The following SELENOI variants were observed in gnomAD, a reference collection of about 807,000 sequenced individuals.
SELENOI encodes selenoprotein I, also known as ethanolaminephosphotransferase 1.
A neutral mutation model predicts 50.7 loss-of-function variants in SELENOI; 24 were observed. The observed-to-expected ratio is 0.47, with a 90% CI of 0.34 to 0.67. The LOEUF (loss-of-function observed/expected upper bound fraction) is 0.67, where lower values mean the gene tolerates loss of function less well. SELENOI is among the 30% of genes least tolerant of loss of function. The pLI, the probability that SELENOI is intolerant of heterozygous loss-of-function variation, is 0.01. For missense variants in SELENOI, 352 were observed against 461.4 expected (o/e 0.76, Z 2.17); for synonymous variants, 155 against 170.2 (o/e 0.91, Z 0.70).
chr2:26,348,882 T>G (rs1002182462), intron 1 of SELENOI, among the ~76,000 whole-genome samples: 1 of 151,944 alleles, frequency 6.6e-6, no homozygotes, highest in South Asian at 2.1e-4. Context: ...TGTGAAGATA[T>G]CAGGTTTAAC....
At chr2:26,354,776 G>A (rs538339089) in intron 1 of SELENOI, among the ~76,000 whole-genome samples, 6 of 152,248 alleles carry the variant, frequency 3.9e-5, no homozygotes, top group Admixed American at 3.3e-4. Context: ...TCTAATGTAC[G>A]CAGATGGGGA....
intron 1 of SELENOI, among the ~76,000 whole-genome samples, chr2:26,353,490 T>A (rs755231299): frequency 1.3e-5 from 2 of 152,242 alleles, no homozygotes; most frequent in Non-Finnish European, 2.9e-5. Context: ...ATGTTAATTA[T>A]GGCATTGCCT....
At chr2:26,352,586 C>A (rs1245571617) in intron 1 of SELENOI, among the ~76,000 whole-genome samples, 2 of 152,086 alleles carry the variant, frequency 1.3e-5, no homozygotes, top group Non-Finnish European at 2.9e-5. Context: ...GAGTTCGAGA[C>A]CACCCTGGCC....
rs114938070 is a variant in SELENOI at position 26,389,513 on chromosome 2, G to A, written c.*410G>A. The A allele has an allele frequency of 6.1e-3, 958 of 157,666 alleles. 8 individuals carry two copies. Among genetic ancestry groups the A allele is most frequent in the Non-Finnish European group, 1.0e-2 (708 of 70,910 alleles). The allele number at this position is 157,666 out of a possible 1,614,324, so 9.8% of individuals were successfully genotyped here. On this transcript the variant is annotated 3_prime_UTR_variant, in exon 10 of 10. Coordinates refer to ENST00000260585, the MANE Select transcript of SELENOI (RefSeq NM_033505.4). ...TTGGAACTTTGTAATAGCGGGAGTA[G>A]CAGTAGTCCAAACCTAGTATAGGGA...
chr2:26,366,579 G>T (rs955554838), intron 3 of SELENOI, among the ~76,000 whole-genome samples: 3 of 152,110 alleles, frequency 2.0e-5, no homozygotes, highest in Admixed American at 6.6e-5. Context: ...TTACACTGCT[G>T]GTTGATTACA....
intron 6 of SELENOI, among the ~76,000 whole-genome samples, chr2:26,379,125 G>A (rs546609654): frequency 6.6e-6 from 1 of 152,258 alleles, no homozygotes; most frequent in African/African-American, 2.4e-5. Context: ...TTAGCCGGGT[G>A]TGGTGGCGTA....
chr2:26,371,099 C>G (rs1263358108), intron 4 of SELENOI, among the ~76,000 whole-genome samples: 85 of 112,508 alleles, frequency 7.6e-4, no homozygotes, highest in African/African-American at 2.8e-3. Context: ...CTGGCCGGGC[C>G]AGGGGCTGAC....
At chr2:26,371,026 G>C (rs1223848265) in intron 4 of SELENOI, among the ~76,000 whole-genome samples, 1 of 138,868 alleles carries the variant, frequency 7.2e-6, no homozygotes, top group African/African-American at 2.7e-5. Flanking sequence ...CAGGCAGAGG[G>C]GCTCCTCACT....
chr2:26,348,811 G>C (rs1441123156), intron 1 of SELENOI, among the ~76,000 whole-genome samples: 1 of 148,440 alleles, frequency 6.7e-6, no homozygotes, highest in Admixed American at 6.7e-5. Flanking sequence ...TTGGAAGTAT[G>C]GTTAAAAAAA....
At chr2:26,369,273 C>G (rs1219514785) in intron 4 of SELENOI, among the ~76,000 whole-genome samples, 3 of 152,178 alleles carry the variant, frequency 2.0e-5, no homozygotes, top group African/African-American at 7.2e-5. Context: ...ATGTTTATAT[C>G]TAGCCCTGAT....
intron 9 of SELENOI, among the ~76,000 whole-genome samples, chr2:26,388,292 C>A (rs1677891148): frequency 6.6e-6 from 1 of 152,234 alleles, no homozygotes; most frequent in East Asian, 1.9e-4. Context: ...TACATACATA[C>A]CAAACCAAAC....
intron 3 of SELENOI, among the ~76,000 whole-genome samples, chr2:26,366,213 G>A (rs1677284060): frequency 6.6e-6 from 1 of 152,112 alleles, no homozygotes; most frequent in South Asian, 2.1e-4. Flanking sequence ...ATTGAAGTTG[G>A]AAATGCCAAC....
At position 26,390,111 on chromosome 2, in the gene SELENOI, C is replaced by G. The variant is rs749198373; in HGVS notation, c.*1008C>G. On this transcript the variant is annotated 3_prime_UTR_variant, in exon 10 of 10. Transcript: ENST00000260585. ...AAACAGAGAGAAGTTCTCTCTTCTC[C>G]AGCTTGTCCATTTCCCCACTTGAAG... 1 of 147,270 alleles carries G rather than the reference C, an allele frequency of 6.8e-6. No individual in the cohort carries two copies. Among genetic ancestry groups the G allele is most frequent in the Non-Finnish European group, 1.5e-5 (1 of 66,972 alleles). The allele number at this position is 147,270 out of a possible 1,614,324, so 9.1% of individuals were successfully genotyped here.
Position 26,389,181 on chromosome 2 carries a change from G to A in SELENOI, c.*78G>A. The A allele has an allele frequency of 1.8e-6, 2 of 1,095,592 alleles. No individual in the cohort carries two copies. The highest frequency in any genetic ancestry group is 2.7e-6 in the Non-Finnish European group (2 of 738,390). 67.9% of individuals were successfully genotyped at this position (1,095,592 alleles called of 1,614,324 possible). A position where few individuals can be genotyped will look rare whatever the true frequency, so the allele number is the denominator to read the frequency against. On this transcript the variant is annotated 3_prime_UTR_variant, in exon 10 of 10. Transcript: ENST00000260585. ...TCCTCCATCACCATTGAACTAGACTGATCTGCTTGACAGACGTGGGATCTC... is the reference window on the plus strand; with the variant it reads ...TCCTCCATCACCATTGAACTAGACTAATCTGCTTGACAGACGTGGGATCTC...
At chr2:26,350,289 G>A (rs946753014) in intron 1 of SELENOI, among the ~76,000 whole-genome samples, 12 of 152,098 alleles carry the variant, frequency 7.9e-5, no homozygotes, top group Non-Finnish European at 1.8e-4. Flanking sequence ...CATCTTAATG[G>A]TAATACTAAA....
chr2:26,352,999 GTTCAGTTTACCTGCTAGA>G (rs1676992880), intron 1 of SELENOI, among the ~76,000 whole-genome samples: 1 of 152,134 alleles, frequency 6.6e-6, no homozygotes, highest in Non-Finnish European at 1.5e-5. Context: ...GGAATGCTTT[GTTCAGTTTACCTGCTAGA>G]TCCCTGTGAT....
At chr2:26,351,055 G>T (rs13389424) in intron 1 of SELENOI, among the ~76,000 whole-genome samples, 16,648 of 107,412 alleles carry the variant, frequency 0.15, 3,521 homozygotes, top group African/African-American at 0.42. Context: ...CTGTTTGTTT[G>T]TTTTTTTTTT....
intron 1 of SELENOI, among the ~76,000 whole-genome samples, chr2:26,347,632 C>T (rs776979369): frequency 2.0e-5 from 3 of 152,140 alleles, no homozygotes; most frequent in African/African-American, 4.8e-5. Context: ...AACCCAGATA[C>T]CTCCTGTTTT....
At chr2:26,383,604 C>T (rs988984174) in intron 7 of SELENOI, among the ~76,000 whole-genome samples, 4 of 152,082 alleles carry the variant, frequency 2.6e-5, no homozygotes, top group African/African-American at 7.2e-5. Flanking sequence ...TGAGGCCAGG[C>T]GCGGTGGCTC....
Sources: allele counts gnomAD v4.1 joint callset (sites outside exome capture counted in the v4.1 genomes callset), GRCh38; gene constraint gnomAD v4.1.1; transcripts MANE v1.5; gene names NCBI Gene and HGNC (gene_info 2026-07-23, HGNC 2026-07-21).